Variants in UGT2A2 observed in about 807,000 individuals in gnomAD.
The protein encoded by UGT2A2 is UDP glucuronosyltransferase family 2 member A2.
UGT2A2 carries 60 observed loss-of-function variants against 50.7 expected under a neutral mutation model. The ratio of observed to expected loss-of-function variants is 1.18; its 90% CI spans 0.96 to 1.47. UGT2A2 has a LOEUF of 1.47. UGT2A2 is among the 40% of genes most tolerant of loss of function. The pLI is 0.00. For synonymous variants in UGT2A2, 242 were observed against 214.6 expected, an observed-to-expected ratio of 1.13 and a Z score of -1.11; for missense variants, 762 against 634.0, an observed-to-expected ratio of 1.20 and a Z score of -2.17.
chr4:69,595,846 G>A (rs143095727), intron 3 of UGT2A2, among the ~76,000 whole-genome samples: 2 of 152,020 alleles, frequency 1.3e-5, no homozygotes, highest in Admixed American at 6.6e-5. Context: ...CTAGACATTC[G>A]AATTATATTT....
In UGT2A2 at chr4:69,589,549, T is replaced by A. The variant is rs757489284; in HGVS notation, c.1434A>T (p.Lys478Asn). 8 of 1,614,104 alleles carry A rather than the reference T, an allele frequency of 5.0e-6. No homozygotes were observed. In the East Asian group the frequency reaches 1.6e-4, roughly 31 times the overall value. The part of the protein sequence containing the change: ...VFWIEFVMRH[K>N]GAKHLRVAAH... Reference sequence around the variant, plus strand: ...CTGCAACCCGAAGGTGCTTGGCTCCTTTGTGGCGCATGACAAACTCGATCC... The same window carrying A: ...CTGCAACCCGAAGGTGCTTGGCTCCATTGTGGCGCATGACAAACTCGATCC... Residue 478 changes from lysine (K) to asparagine (N), a missense_variant, in exon 6 of 6, where the codon AAA (lysine) becomes AAT (asparagine). Transcript: ENST00000604629.
At chr4:69,612,907 GA>G (rs34670944) in intron 1 of UGT2A2, among the ~76,000 whole-genome samples, 2,948 of 140,042 alleles carry the variant, frequency 0.021, 30 homozygotes, top group Non-Finnish European at 0.023. Context: ...AACCTCTGCA[GA>G]AAAAAAAAAA....
intron 1 of UGT2A2, among the ~76,000 whole-genome samples, chr4:69,615,305 C>T (rs1050651681): frequency 6.6e-6 from 1 of 151,986 alleles, no homozygotes; most frequent in African/African-American, 2.4e-5. Flanking sequence ...AGACAATGTT[C>T]TGGGCAGATT....
chr4:69,604,552 T>A (rs1466079009), intron 1 of UGT2A2, among the ~76,000 whole-genome samples: 1 of 136,170 alleles, frequency 7.3e-6, no homozygotes, highest in African/African-American at 3.0e-5. Flanking sequence ...AATGACAGGA[T>A]CAAGTTCACA....
intron 1 of UGT2A2, among the ~76,000 whole-genome samples, chr4:69,616,049 C>T (rs1720360963): frequency 6.6e-6 from 1 of 151,894 alleles, no homozygotes; most frequent in Non-Finnish European, 1.5e-5. Context: ...GTGAAAATCC[C>T]GTCATTTGCA....
Position 69,595,253 on chromosome 4 carries a change from T to C in UGT2A2, c.1024-4A>G, listed in dbSNP as rs768629275. The C allele has an allele frequency of 5.0e-6, 8 of 1,613,328 alleles. No homozygotes were observed. The Admixed American group carries it at 1.0e-4, about 20-fold the overall frequency. ...TTCCTTTGTATCTCCATAAAACCTG[T>C]GGAAAATGGTGCTTTAATTTTGCAA... On this transcript the variant is annotated splice_region_variant and splice_polypyrimidine_tract_variant and intron_variant, in intron 3 of 5. Transcript: ENST00000604629.
At position 69,594,632 on chromosome 4, in the gene UGT2A2, G is replaced by A. The variant is rs928965449; in HGVS notation, c.1176C>T (p.Tyr392=). 1.9e-6 allele frequency: 3 copies of A among 1,614,118 alleles called. No individual in the cohort carries two copies. Among genetic ancestry groups the A allele is most frequent in the Non-Finnish European group, 2.5e-6 (3 of 1,180,026 alleles). The part of the protein sequence containing the change: ...GGTNGIYEAI[Y]HGVPMVGVPM... The stretch of plus-strand genomic sequence containing the variant: ...GAACTCCCACCATAGGGACTCCGTG[G>A]TAAATAGCTTCGTAGATCCCATTAG... Residue 392 remains tyrosine, a synonymous_variant, in exon 5 of 6, where the codon TAC becomes TAT. Transcript: ENST00000604629.
intron 1 of UGT2A2, among the ~76,000 whole-genome samples, chr4:69,626,328 A>G (rs1721057832): frequency 6.6e-6 from 1 of 151,190 alleles, no homozygotes. Context: ...TATTTGGATG[A>G]TGTTTGGAGA....
chr4:69,637,821 T>G (rs186774672), intron 1 of UGT2A2, among the ~76,000 whole-genome samples: 1 of 152,064 alleles, frequency 6.6e-6, no homozygotes, highest in East Asian at 1.9e-4. Context: ...AGGAACTAGG[T>G]TGGCATTCAA....
rs1719570703 is a variant in UGT2A2 at position 69,605,763 on chromosome 4, T to C, written c.743-6369A>G. On this transcript the variant is annotated intron_variant, in intron 1 of 5. Transcript: ENST00000604629. ...GATATCACCACCGATCCCACAGAAA[T>C]ACAAAGTACCATCAGAGAATACTAT... 1.5e-5 allele frequency among the ~76,000 whole-genome samples: 2 copies of C among 136,516 alleles called. 1 individual carries two copies. The highest frequency in any genetic ancestry group is 5.9e-5 in the African/African-American group (2 of 33,658). The allele number at this position is 136,516 out of a possible 152,430, so 89.6% of individuals were successfully genotyped here.
rs150827191 is a variant in UGT2A2 at position 69,637,657 on chromosome 4, C to T, written c.742+1242G>A. On this transcript the variant is annotated intron_variant, in intron 1 of 5. Transcript: ENST00000604629. ...CTCACTCTAAGAACTATCTGTTCTT[C>T]TTACTTTATTATTACATAGCATATA... Among the ~76,000 whole-genome samples the T allele has an allele frequency of 8.3e-4, 127 of 152,234 alleles. No homozygotes were observed. In the East Asian group the frequency reaches 0.022, roughly 27 times the overall value.
chr4:69,603,926 C>G (rs954065825), intron 1 of UGT2A2, among the ~76,000 whole-genome samples: 1 of 135,788 alleles, frequency 7.4e-6, no homozygotes, highest in South Asian at 2.4e-4. Flanking sequence ...GTGAAAAGAC[C>G]AAATCTACGT....
At chr4:69,609,576 T>A (rs779891692) in intron 1 of UGT2A2, among the ~76,000 whole-genome samples, 34 of 152,146 alleles carry the variant, frequency 2.2e-4, no homozygotes, top group Non-Finnish European at 3.8e-4. Context: ...AATTGAATAG[T>A]TTGCAGAACA....
At chr4:69,608,209 GC>G in intron 1 of UGT2A2, among the ~76,000 whole-genome samples, 1 of 152,162 alleles carries the variant, frequency 6.6e-6, no homozygotes, top group Non-Finnish European at 1.5e-5. Flanking sequence ...AGAAAATGTG[GC>G]ACGTATACAC....
In UGT2A2 at chr4:69,639,204, G is replaced by T. The variant is rs755399490; in HGVS notation, c.437C>A (p.Ala146Glu). ...ATCAAAACCACCTTTCTGAAGTCTT[G>T]CCATCAACTTTGGGTTCTTTAGTAC... Reference protein sequence around the residue: ...DGVLKNPKLMARLQKGGFDVL... With the variant: ...DGVLKNPKLMERLQKGGFDVL... Residue 146 changes from alanine (A) to glutamate (E), a missense_variant, in exon 1 of 6, where the codon GCA becomes GAA. Transcript: ENST00000604629. 6.2e-6 allele frequency: 10 copies of T among 1,613,658 alleles called. No individual in the cohort carries two copies. The highest frequency in any genetic ancestry group is 8.5e-6 in the Non-Finnish European group (10 of 1,179,740).
chr4:69,609,340 A>AT lies in UGT2A2; in HGVS notation c.743-9947dup, dbSNP rs552691222. On this transcript the variant is annotated intron_variant, in intron 1 of 5. Transcript: ENST00000604629. ...CTATTTTTTTCTTTTCTTTTCTACTATTTTTTATTTTTCAGTTTTAATTTT... is the reference window on the plus strand; with the variant it reads ...CTATTTTTTTCTTTTCTTTTCTACTATTTTTTTATTTTTCAGTTTTAATTTT... Among the ~76,000 whole-genome samples the AT allele has an allele frequency of 8.4e-4, 128 of 151,564 alleles. 3 individuals are homozygous for AT. Among genetic ancestry groups the AT allele is most frequent in the Non-Finnish European group, 1.4e-3 (97 of 67,882 alleles).
At chr4:69,595,932 T>C (rs1021882745) in intron 3 of UGT2A2, among the ~76,000 whole-genome samples, 2 of 152,192 alleles carry the variant, frequency 1.3e-5, no homozygotes, top group African/African-American at 4.8e-5. Flanking sequence ...TCAAAACTTT[T>C]GAAAGTAGTC....
At position 69,594,572 on chromosome 4, in the gene UGT2A2, G is replaced by A; in HGVS notation, c.1236C>T (p.His412=). The A allele has an allele frequency of 6.2e-7, 1 of 1,614,136 alleles. No individual in the cohort carries two copies. The highest frequency in any genetic ancestry group is 8.5e-7 in the Non-Finnish European group (1 of 1,180,036). Residue 412 remains histidine (H), a synonymous_variant, in exon 5 of 6, where the codon CAC becomes CAT. Coordinates refer to ENST00000604629, the MANE Select transcript of UGT2A2 (RefSeq NM_001105677.2). ...CCACAGCTGCTCCTTTGGCCTTCAT[G>A]TGAGCAATGTTATCAGGCTGATCAG... ...MFADQPDNIA[H]MKAKGAAVEV...
At chr4:69,633,974 G>C (rs1267395400) in intron 1 of UGT2A2, among the ~76,000 whole-genome samples, 1 of 152,092 alleles carries the variant, frequency 6.6e-6, no homozygotes, top group Admixed American at 6.6e-5. Flanking sequence ...GGCCGCGCGC[G>C]GTGGCTCACG....
Sources: gnomAD v4.1 joint callset for allele counts (sites outside exome capture counted in the v4.1 genomes callset) on GRCh38, gnomAD v4.1.1 for gene constraint, MANE v1.5 for transcripts, NCBI Gene and HGNC (gene_info 2026-07-23, HGNC 2026-07-21) for gene names.